Variants in TSPAN15 observed in about 807,000 individuals in gnomAD.
The protein encoded by TSPAN15 is tetraspanin 15.
A neutral mutation model predicts 34.5 loss-of-function variants in TSPAN15; 20 were observed. The observed-to-expected ratio is 0.58, with a 90% CI of 0.41 to 0.84. The LOEUF is 0.84. Among genes scored for constraint, TSPAN15 ranks in the 40% least tolerant of loss-of-function variants. The pLI is 0.00. For missense variants in TSPAN15, 313 were observed against 386.1 expected (o/e 0.81, Z 1.59); for synonymous variants, 155 against 153.9 (o/e 1.01, Z -0.05).
the TSPAN15 span, among the ~76,000 whole-genome samples, chr10:69,515,276 G>A: frequency 3.9e-5 from 6 of 152,012 alleles, no homozygotes; most frequent in Non-Finnish European, 7.4e-5. Context: ...ACAATCCCTT[G>A]TTGACCTCAT....
chr10:69,458,124 A>C (rs1325926092), intron 1 of TSPAN15, among the ~76,000 whole-genome samples: 2 of 152,184 alleles, frequency 1.3e-5, no homozygotes, highest in Non-Finnish European at 2.9e-5. Flanking sequence ...TCCAGGCGCC[A>C]TGTATGTTTC....
intron 3 of TSPAN15, among the ~76,000 whole-genome samples, chr10:69,492,722 G>A (rs1841994498): frequency 6.6e-6 from 1 of 152,194 alleles, no homozygotes; most frequent in Admixed American, 6.5e-5. Flanking sequence ...TTTCCCCACA[G>A]CCACAGAGCA....
chr10:69,525,502 AG>A, the TSPAN15 span, among the ~76,000 whole-genome samples: 66 of 137,358 alleles, frequency 4.8e-4, 1 homozygote, highest in Admixed American at 3.4e-3. Flanking sequence ...AAAAAAAAAA[AG>A]AAGACTTTAA....
At chr10:69,548,629 A>G in the TSPAN15 span, among the ~76,000 whole-genome samples, 2 of 152,192 alleles carry the variant, frequency 1.3e-5, no homozygotes, top group Admixed American at 6.5e-5. Context: ...GAGGATACAA[A>G]GAAGAGAATT....
intron 5 of TSPAN15, among the ~76,000 whole-genome samples, chr10:69,500,683 G>T (rs1842186639): frequency 2.0e-5 from 3 of 152,184 alleles, no homozygotes; most frequent in Non-Finnish European, 4.4e-5. Context: ...CTGATCAGAT[G>T]AGACCTCTCC....
At chr10:69,501,454 T>A (rs1340962024) in intron 5 of TSPAN15, among the ~76,000 whole-genome samples, 2 of 152,208 alleles carry the variant, frequency 1.3e-5, no homozygotes. Context: ...GCTTCCTCCA[T>A]AGAACTGGTT....
At chr10:69,489,981 A>G (rs995124915) in intron 3 of TSPAN15, among the ~76,000 whole-genome samples, 21 of 152,238 alleles carry the variant, frequency 1.4e-4, no homozygotes, top group African/African-American at 5.1e-4. Context: ...GCAGCTCCTC[A>G]TGCTTCCAGC....
At chr10:69,502,983 T>C (rs1317650248) in intron 5 of TSPAN15, among the ~76,000 whole-genome samples, 2 of 152,238 alleles carry the variant, frequency 1.3e-5, no homozygotes, top group African/African-American at 4.8e-5. Flanking sequence ...GGGATTGACA[T>C]GCAATAGGTG....
chr10:69,515,575 C>T, the TSPAN15 span, among the ~76,000 whole-genome samples: 1 of 152,330 alleles, frequency 6.6e-6, no homozygotes, highest in South Asian at 2.1e-4. Flanking sequence ...GTCCAAGAGG[C>T]CCTGCCAGCA....
intron 1 of TSPAN15, among the ~76,000 whole-genome samples, chr10:69,482,226 A>C (rs1262953307): frequency 6.6e-6 from 1 of 152,366 alleles, no homozygotes; most frequent in East Asian, 1.9e-4. Context: ...TGCAGGCGGC[A>C]ACTGAGCAAA....
chr10:69,516,103 C>T, the TSPAN15 span, among the ~76,000 whole-genome samples: 2 of 152,202 alleles, frequency 1.3e-5, no homozygotes, highest in African/African-American at 2.4e-5. Flanking sequence ...CGGATACTAA[C>T]GATAGGAGTA....
intron 6 of TSPAN15, 92 bp downstream of exon 6, chr10:69,504,577 G>T: frequency 7.6e-7 from 1 of 1,323,646 alleles, no homozygotes; most frequent in South Asian, 1.2e-5. Context: ...CGGGGTCCTG[G>T]CCACTGAGAT....
chr10:69,488,299 C>A (rs1341340587), intron 3 of TSPAN15, among the ~76,000 whole-genome samples: 1 of 151,964 alleles, frequency 6.6e-6, no homozygotes, highest in Non-Finnish European at 1.5e-5. Context: ...AGCGGCCTGG[C>A]TGTTGATGAT....
the TSPAN15 span, among the ~76,000 whole-genome samples, chr10:69,545,783 C>T: frequency 1.3e-5 from 2 of 152,160 alleles, no homozygotes; most frequent in African/African-American, 4.8e-5. Context: ...GGTGAAACCT[C>T]GTCTCTACTA....
chr10:69,462,620 C>T (rs1035290912), intron 1 of TSPAN15, among the ~76,000 whole-genome samples: 1 of 152,232 alleles, frequency 6.6e-6, no homozygotes, highest in South Asian at 2.1e-4. Flanking sequence ...CAGGCATGAG[C>T]CACCGCGCCT....
chr10:69,481,423 CT>C (rs1841733102), intron 1 of TSPAN15, among the ~76,000 whole-genome samples: 3 of 152,170 alleles, frequency 2.0e-5, no homozygotes, highest in Non-Finnish European at 1.5e-5. Context: ...CCTGGTAATC[CT>C]CTGTTATCCT....
chr10:69,541,291 C>T, the TSPAN15 span, among the ~76,000 whole-genome samples: 1 of 152,132 alleles, frequency 6.6e-6, no homozygotes, highest in Admixed American at 6.5e-5. Context: ...GAGGAGCCCA[C>T]CTCTTGCATC....
intron 1 of TSPAN15, among the ~76,000 whole-genome samples, chr10:69,476,669 A>C (rs1278056532): frequency 6.6e-6 from 1 of 152,134 alleles, no homozygotes; most frequent in Non-Finnish European, 1.5e-5. Context: ...AGTTTTTATA[A>C]AGGAAGAAGT....
At chr10:69,521,400 T>G in the TSPAN15 span, among the ~76,000 whole-genome samples, 2 of 146,434 alleles carry the variant, frequency 1.4e-5, no homozygotes, top group Non-Finnish European at 1.5e-5. Context: ...GTCCCAGCAC[T>G]TTCGGAGGCT....
Sources: gnomAD v4.1 joint callset for allele counts (sites outside exome capture counted in the v4.1 genomes callset) on GRCh38, gnomAD v4.1.1 for gene constraint, MANE v1.5 for transcripts, NCBI Gene and HGNC (gene_info 2026-07-23, HGNC 2026-07-21) for gene names.